NME7: variants seen among roughly 807,000 people sequenced by gnomAD.
NME7 encodes NME/NM23 family member 7.
NME7 carries 41 observed loss-of-function variants against 49.1 expected under a neutral mutation model. The observed-to-expected ratio is 0.83, with a 90% confidence interval of 0.65 to 1.08. The LOEUF (loss-of-function observed/expected upper bound fraction) is 1.08, where lower values mean the gene tolerates loss of function less well. Among genes scored for constraint, NME7 ranks in the 50% least tolerant of loss-of-function variants. The probability of loss-of-function intolerance (pLI) is 0.00; values close to 1 mark genes in which losing one functional copy is unlikely to be tolerated. For synonymous variants in NME7, 139 were observed against 150.6 expected (o/e 0.92, Z 0.56); for missense variants, 423 against 463.4 (o/e 0.91, Z 0.80).
chr1:169,241,766 A>G (rs1648098302), intron 7 of NME7, among the ~76,000 whole-genome samples: 2 of 151,910 alleles, frequency 1.3e-5, no homozygotes, highest in African/African-American at 4.8e-5. Flanking sequence ...ATTGCATAGA[A>G]AAAAATTCAA....
intron 3 of NME7, among the ~76,000 whole-genome samples, chr1:169,316,034 G>C (rs531978215): frequency 6.6e-6 from 1 of 151,844 alleles, no homozygotes; most frequent in Non-Finnish European, 1.5e-5. Context: ...AATAAAAAAC[G>C]TGCAGATTAA....
At chr1:169,252,188 G>C (rs1258866053) in intron 7 of NME7, among the ~76,000 whole-genome samples, 3 of 151,200 alleles carry the variant, frequency 2.0e-5, no homozygotes, top group Non-Finnish European at 2.9e-5. Flanking sequence ...CAGTGTAAAA[G>C]TGTTCCTATT....
chr1:169,320,217 C>A (rs1447988575), intron 3 of NME7, among the ~76,000 whole-genome samples: 1 of 152,140 alleles, frequency 6.6e-6, no homozygotes, highest in Non-Finnish European at 1.5e-5. Context: ...AAATCAAAGA[C>A]TGACTCATTG....
intron 1 of NME7, among the ~76,000 whole-genome samples, chr1:169,350,783 G>A (rs1051148652): frequency 1.1e-4 from 16 of 151,910 alleles, no homozygotes; most frequent in African/African-American, 3.4e-4. Flanking sequence ...TCTTTCCTTC[G>A]TTTGGAAATT....
chr1:169,311,081 T>C (rs74121615), intron 3 of NME7, among the ~76,000 whole-genome samples: 1,668 of 152,232 alleles, frequency 0.011, 42 homozygotes, highest in African/African-American at 0.038. Context: ...TCTTTTCATT[T>C]TGGATTTTTT....
chr1:169,317,267 A>G (rs1202744185), intron 3 of NME7, among the ~76,000 whole-genome samples: 2 of 152,244 alleles, frequency 1.3e-5, no homozygotes, highest in African/African-American at 2.4e-5. Flanking sequence ...GCTGGAGCTG[A>G]AAAGGAAATT....
chr1:169,142,537 T>C (rs1301881181), intron 11 of NME7, among the ~76,000 whole-genome samples: 1 of 152,190 alleles, frequency 6.6e-6, no homozygotes, highest in South Asian at 2.1e-4. Context: ...TTGATAATTA[T>C]AATAATTCAT....
intron 1 of NME7, among the ~76,000 whole-genome samples, chr1:169,331,655 AT>A (rs1652260894): frequency 6.6e-6 from 1 of 152,190 alleles, no homozygotes; most frequent in Non-Finnish European, 1.5e-5. Context: ...TATCAGTGGT[AT>A]TTCTATATGC....
chr1:169,214,551 T>C (rs2101798198), intron 10 of NME7, among the ~76,000 whole-genome samples: 1 of 152,348 alleles, frequency 6.6e-6, no homozygotes, highest in East Asian at 1.9e-4. Flanking sequence ...TATAATTTGC[T>C]TCTTAGGATA....
intron 10 of NME7, among the ~76,000 whole-genome samples, chr1:169,199,450 TTTATTATTA>T (rs150975177): frequency 0.11 from 11,797 of 111,532 alleles, 642 homozygotes; most frequent in Admixed American, 0.23. Flanking sequence ...CAGGGTCTTT[TTTATTATTA>T]TTATTATTAT....
At chr1:169,357,233 C>T (rs1354115466) in intron 1 of NME7, among the ~76,000 whole-genome samples, 1 of 151,270 alleles carries the variant, frequency 6.6e-6, no homozygotes, top group Non-Finnish European at 1.5e-5. Flanking sequence ...ATGTATTTCT[C>T]TTCTTCTCTT....
intron 10 of NME7, among the ~76,000 whole-genome samples, chr1:169,216,229 T>TGA (rs1214156181): frequency 6.6e-6 from 1 of 152,238 alleles, no homozygotes; most frequent in African/African-American, 2.4e-5. Flanking sequence ...AGCTTCAGAA[T>TGA]GAGAGCTGTT....
At chr1:169,229,726 C>T (rs1211432924) in intron 10 of NME7, among the ~76,000 whole-genome samples, 1 of 151,962 alleles carries the variant, frequency 6.6e-6, no homozygotes, top group East Asian at 1.9e-4. Flanking sequence ...TTTGGGAGGC[C>T]GAGACAGGCT....
chr1:169,225,491 T>G (rs935521793), intron 10 of NME7, among the ~76,000 whole-genome samples: 1 of 152,128 alleles, frequency 6.6e-6, no homozygotes, highest in Non-Finnish European at 1.5e-5. Flanking sequence ...AGGCTAGAAG[T>G]AGGAATGGCT....
intron 10 of NME7, among the ~76,000 whole-genome samples, chr1:169,178,922 A>G (rs1347179678): frequency 6.7e-6 from 1 of 149,518 alleles, no homozygotes; most frequent in Non-Finnish European, 1.5e-5. Flanking sequence ...GTGGGTTGAA[A>G]CAATTCTCCT....
intron 7 of NME7, among the ~76,000 whole-genome samples, chr1:169,281,405 C>G (rs1650006834): frequency 6.6e-6 from 1 of 152,172 alleles, no homozygotes; most frequent in African/African-American, 2.4e-5. Context: ...TAAACAGAGA[C>G]AATTTGACTT....
chr1:169,359,534 A>G (rs1653586460), intron 1 of NME7, among the ~76,000 whole-genome samples: 1 of 151,898 alleles, frequency 6.6e-6, no homozygotes, highest in African/African-American at 2.4e-5. Context: ...ATTAATAGCG[A>G]TTGTATACAG....
At chr1:169,186,869 C>G (rs1660080378) in intron 10 of NME7, among the ~76,000 whole-genome samples, 1 of 152,068 alleles carries the variant, frequency 6.6e-6, no homozygotes, top group Admixed American at 6.6e-5. Context: ...ATCTTTCCAG[C>G]TTTCTGATGT....
At chr1:169,172,076 A>G (rs540421512) in intron 10 of NME7, among the ~76,000 whole-genome samples, 4 of 151,640 alleles carry the variant, frequency 2.6e-5, no homozygotes, top group Admixed American at 1.3e-4. Context: ...GCTGCTCTTC[A>G]TGCAGCCCTC....
Sources: allele counts gnomAD v4.1 joint callset (sites outside exome capture counted in the v4.1 genomes callset), GRCh38; gene constraint gnomAD v4.1.1; transcripts MANE v1.5; gene names NCBI Gene and HGNC (gene_info 2026-07-23, HGNC 2026-07-21).